Variants in TMEM71 observed in about 807,000 individuals in gnomAD.
TMEM71 encodes transmembrane protein 71.
Under a neutral mutation model 38.0 loss-of-function variants are expected in TMEM71, and 44 were observed. The observed-to-expected ratio is 1.16, with a 90% confidence interval of 0.91 to 1.49. TMEM71 has a LOEUF of 1.49. Ranked by LOEUF, TMEM71 falls within the 40% of genes most tolerant of loss-of-function variation. TMEM71 has a pLI of 0.00. For synonymous variants in TMEM71, 133 were observed against 122.5 expected (o/e 1.09, Z -0.56); for missense variants, 367 against 348.6 (o/e 1.05, Z -0.42).
chr8:132,716,105 C>A (rs1051586133), intron 7 of TMEM71, among the ~76,000 whole-genome samples: 2 of 152,158 alleles, frequency 1.3e-5, no homozygotes, highest in Non-Finnish European at 2.9e-5. Flanking sequence ...CAGCTGCAGC[C>A]GCTCAGCCAT....
intron 5 of TMEM71, among the ~76,000 whole-genome samples, chr8:132,742,626 G>C (rs944856075): frequency 6.6e-6 from 1 of 152,228 alleles, no homozygotes. Context: ...GCTTGGAAGA[G>C]TGTTGTGTTT....
chr8:132,717,858 C>T (rs537870240), intron 7 of TMEM71, among the ~76,000 whole-genome samples: 11 of 152,196 alleles, frequency 7.2e-5, no homozygotes, highest in East Asian at 5.8e-4. Flanking sequence ...CATCAACTGA[C>T]GAATGGATAA....
chr8:132,727,305 G>A (rs1402202224), intron 6 of TMEM71, among the ~76,000 whole-genome samples: 3 of 149,952 alleles, frequency 2.0e-5, no homozygotes, highest in Middle Eastern at 3.6e-3. Context: ...CACCCAGGAT[G>A]GAGTGCAATG....
intron 5 of TMEM71, among the ~76,000 whole-genome samples, chr8:132,744,780 T>C (rs1210037901): frequency 1.3e-5 from 2 of 152,252 alleles, no homozygotes; most frequent in South Asian, 2.1e-4. Context: ...CTTCAAAATA[T>C]ACCATAAGGC....
the TMEM71 span, among the ~76,000 whole-genome samples, chr8:132,773,459 G>A: frequency 2.0e-5 from 3 of 152,170 alleles, no homozygotes; most frequent in East Asian, 5.8e-4. Flanking sequence ...AAATAGTTGG[G>A]AGAATGGACA....
Position 132,722,540 on chromosome 8 carries a change from G to A in TMEM71, c.677-425C>T, listed in dbSNP as rs112483876. ...TAGTTCACTTAAACAGCACAACAAC[G>A]CTGTGAGGTGGATGCCATTATCTTA... is the stretch of plus-strand genomic sequence containing the variant. On this transcript the variant is annotated intron_variant, in intron 6 of 9. Coordinates refer to ENST00000677595, the MANE Select transcript of TMEM71 (RefSeq NM_001382403.1). Among the ~76,000 whole-genome samples the A allele has an allele frequency of 3.0e-3, 455 of 152,272 alleles. 2 individuals are homozygous for A. Among genetic ancestry groups the A allele is most frequent in the African/African-American group, 1.0e-2 (414 of 41,556 alleles).
intron 6 of TMEM71, 94 bp from the exon 7 acceptor site, chr8:132,722,209 CAAAA>C (rs34385955): frequency 3.2e-6 from 2 of 626,900 alleles, no homozygotes; most frequent in Admixed American, 3.4e-5. Context: ...TTGTACCCAC[CAAAA>C]AAAAAAAAAA....
upstream of TMEM71, among the ~76,000 whole-genome samples, chr8:132,763,983 C>G (rs989234369): frequency 2.6e-5 from 4 of 152,202 alleles, no homozygotes; most frequent in African/African-American, 9.6e-5. Flanking sequence ...CTCATGTACT[C>G]ATGATCTCTC....
intron 6 of TMEM71, among the ~76,000 whole-genome samples, chr8:132,722,486 C>T (rs76329770): frequency 6.3e-4 from 96 of 152,270 alleles, no homozygotes; most frequent in East Asian, 1.7e-3. Context: ...TGTAAAGTGC[C>T]TTATAATTCA....
At chr8:132,715,737 T>A (rs1315347495) in intron 7 of TMEM71, among the ~76,000 whole-genome samples, 1 of 152,180 alleles carries the variant, frequency 6.6e-6, no homozygotes, top group Non-Finnish European at 1.5e-5. Flanking sequence ...TACAATGGAA[T>A]ATGATTCAGC....
At chr8:132,746,583 T>C (rs1828400619) in intron 5 of TMEM71, among the ~76,000 whole-genome samples, 1 of 151,160 alleles carries the variant, frequency 6.6e-6, no homozygotes, top group Non-Finnish European at 1.5e-5. Flanking sequence ...ATACTGGGAC[T>C]TGAACCCTGA....
At chr8:132,724,214 G>A (rs1827006408) in intron 6 of TMEM71, among the ~76,000 whole-genome samples, 1 of 152,174 alleles carries the variant, frequency 6.6e-6, no homozygotes, top group Non-Finnish European at 1.5e-5. Flanking sequence ...CAGAGTTCGA[G>A]AGCAGAGAAC....
intron 5 of TMEM71, among the ~76,000 whole-genome samples, chr8:132,736,219 C>T (rs1827736300): frequency 6.6e-6 from 1 of 152,136 alleles, no homozygotes; most frequent in African/African-American, 2.4e-5. Context: ...TCCTACCCTA[C>T]CCTACACCTT....
intron 3 of TMEM71, among the ~76,000 whole-genome samples, chr8:132,752,849 AAGG>A (rs1828797801): frequency 6.9e-6 from 1 of 144,426 alleles, no homozygotes; most frequent in South Asian, 2.2e-4. Flanking sequence ...GGAAGGAAGG[AAGG>A]AAGGAAGGAA....
the TMEM71 span, chr8:132,775,370 G>T: frequency 1.1e-5 from 4 of 363,726 alleles, no homozygotes; most frequent in African/African-American, 2.1e-5. Flanking sequence ...TGACGTCGCC[G>T]GGGCCCGGCG....
intron 4 of TMEM71, among the ~76,000 whole-genome samples, chr8:132,750,727 A>G (rs1415551553): frequency 6.6e-6 from 1 of 152,170 alleles, no homozygotes; most frequent in African/African-American, 2.4e-5. Context: ...GATTATCCCA[A>G]TTTACCAATG....
At chr8:132,766,200 G>A in the TMEM71 span, among the ~76,000 whole-genome samples, 2 of 152,146 alleles carry the variant, frequency 1.3e-5, no homozygotes, top group African/African-American at 4.8e-5. Context: ...GCGGCAGAGG[G>A]AAGAGAACAG....
chr8:132,758,916 C>A lies in TMEM71; in HGVS notation c.-36-1G>T, dbSNP rs530927605. ...CGCTTGCTCAAACTTCACAGATTCTCTGCAAAAGATGTTAAAAAAAAGGTG... is the reference window on the plus strand; with the variant it reads ...CGCTTGCTCAAACTTCACAGATTCTATGCAAAAGATGTTAAAAAAAAGGTG... On this transcript the variant is annotated splice_acceptor_variant, in intron 1 of 9. Coordinates refer to ENST00000677595, the MANE Select transcript of TMEM71 (RefSeq NM_001382403.1). LOFTEE classifies it low-confidence loss of function (5UTR_SPLICE). The A allele has an allele frequency of 1.2e-6, 2 of 1,600,564 alleles. No homozygotes were observed. Among genetic ancestry groups the A allele is most frequent in the Non-Finnish European group, 1.7e-6 (2 of 1,168,690 alleles).
At chr8:132,766,319 C>T in the TMEM71 span, among the ~76,000 whole-genome samples, 2 of 148,850 alleles carry the variant, frequency 1.3e-5, no homozygotes, top group East Asian at 3.9e-4. Flanking sequence ...AAGTTCAATG[C>T]CATCAGGATA....
Sources: gnomAD v4.1 joint callset for allele counts (sites outside exome capture counted in the v4.1 genomes callset) on GRCh38, gnomAD v4.1.1 for gene constraint, MANE v1.5 for transcripts, NCBI Gene and HGNC (gene_info 2026-07-23, HGNC 2026-07-21) for gene names.